The following BMERB1 variants were observed in gnomAD, a reference collection of about 807,000 sequenced individuals.
The protein encoded by BMERB1 is bMERB domain-containing protein 1.
Under a neutral mutation model 23.6 loss-of-function variants are expected in BMERB1, and 12 were observed. The ratio of observed to expected loss-of-function variants is 0.51; its 90% confidence interval spans 0.33 to 0.82. The LOEUF is 0.82. Among genes scored for constraint, BMERB1 ranks in the 40% least tolerant of loss-of-function variants. BMERB1 has a pLI of 0.03. For synonymous variants in BMERB1, 122 were observed against 96.6 expected, an observed-to-expected ratio of 1.26 and a Z score of -1.54; for missense variants, 247 against 255.4, an observed-to-expected ratio of 0.97 and a Z score of 0.22.
At chr16:15,488,053 C>G (rs1346855438) in intron 1 of BMERB1, among the ~76,000 whole-genome samples, 1 of 152,132 alleles carries the variant, frequency 6.6e-6, no homozygotes, top group Non-Finnish European at 1.5e-5. Context: ...CCTGGGAATG[C>G]AGCCCAATAG....
At chr16:15,507,819 A>C (rs943341813) in intron 1 of BMERB1, among the ~76,000 whole-genome samples, 4 of 152,198 alleles carry the variant, frequency 2.6e-5, no homozygotes, top group African/African-American at 9.6e-5. Context: ...GACCTCCTTC[A>C]TTAAGGTCCC....
chr16:15,458,976 G>A (rs1209698471), intron 1 of BMERB1, among the ~76,000 whole-genome samples: 1 of 151,930 alleles, frequency 6.6e-6, no homozygotes, highest in Non-Finnish European at 1.5e-5. Flanking sequence ...GCGTGGTGGC[G>A]GGCGCCCATA....
intron 1 of BMERB1, among the ~76,000 whole-genome samples, chr16:15,440,807 T>A (rs981155635): frequency 1.3e-5 from 2 of 152,094 alleles, no homozygotes; most frequent in Non-Finnish European, 2.9e-5. Flanking sequence ...AAGCTTCTGT[T>A]TAGGGGAAGT....
intron 1 of BMERB1, among the ~76,000 whole-genome samples, chr16:15,508,231 T>C (rs1223957615): frequency 2.0e-5 from 3 of 152,148 alleles, no homozygotes; most frequent in Non-Finnish European, 4.4e-5. Context: ...TAAATGTTAG[T>C]TATTATCGTT....
chr16:15,468,773 C>G (rs1162191396), intron 1 of BMERB1, among the ~76,000 whole-genome samples: 1 of 151,960 alleles, frequency 6.6e-6, no homozygotes, highest in Non-Finnish European at 1.5e-5. Context: ...CCTTTAGGTT[C>G]TTAAGATTTT....
chr16:15,505,674 G>A (rs896689851), intron 1 of BMERB1, among the ~76,000 whole-genome samples: 2 of 152,108 alleles, frequency 1.3e-5, no homozygotes, highest in Non-Finnish European at 2.9e-5. Flanking sequence ...TGGGTCATGA[G>A]GTCAGGAGAT....
intron 5 of BMERB1, among the ~76,000 whole-genome samples, chr16:15,584,475 G>A (rs988867249): frequency 6.6e-6 from 1 of 151,200 alleles, no homozygotes; most frequent in Admixed American, 6.6e-5. Context: ...GGAGAATGGC[G>A]TGAACTGGGG....
At chr16:15,574,634 C>T (rs1314811462) in intron 3 of BMERB1, among the ~76,000 whole-genome samples, 1 of 151,866 alleles carries the variant, frequency 6.6e-6, no homozygotes, top group Non-Finnish European at 1.5e-5. Context: ...GCAGAAGTTA[C>T]AGGCAAAATT....
chr16:15,567,478 C>T (rs1157036909), intron 2 of BMERB1, among the ~76,000 whole-genome samples: 4 of 152,046 alleles, frequency 2.6e-5, no homozygotes, highest in African/African-American at 9.7e-5. Context: ...CCAGGCACCG[C>T]GGCTTATGCC....
chr16:15,505,179 C>T (rs1252888083), intron 1 of BMERB1, among the ~76,000 whole-genome samples: 2 of 151,502 alleles, frequency 1.3e-5, no homozygotes, highest in South Asian at 2.1e-4. Context: ...ACCAAAACGT[C>T]GTTTAAGACC....
intron 1 of BMERB1, among the ~76,000 whole-genome samples, chr16:15,514,767 G>A (rs2150951092): frequency 6.6e-6 from 1 of 151,812 alleles, no homozygotes; most frequent in Non-Finnish European, 1.5e-5. Flanking sequence ...CTGGGCAACA[G>A]AGCAGGACTG....
At chr16:15,544,713 C>T (rs1186382729) in intron 2 of BMERB1, among the ~76,000 whole-genome samples, 1 of 152,270 alleles carries the variant, frequency 6.6e-6, no homozygotes, top group Admixed American at 6.5e-5. Flanking sequence ...CTCCTGAAGG[C>T]AGATAAAGAC....
At chr16:15,522,855 G>T (rs1011329103) in intron 2 of BMERB1, among the ~76,000 whole-genome samples, 1 of 152,196 alleles carries the variant, frequency 6.6e-6, no homozygotes, top group Non-Finnish European at 1.5e-5. Flanking sequence ...GCTTCAGTGT[G>T]TGTGTGTTAC....
At chr16:15,542,631 ATTTTTTTTTT>A (rs927255507) in intron 2 of BMERB1, among the ~76,000 whole-genome samples, 1 of 96,866 alleles carries the variant, frequency 1.0e-5, no homozygotes, top group African/African-American at 4.3e-5. Flanking sequence ...CCTCCTAGGG[ATTTTTTTTTT>A]TTTTTTTTTT....
chr16:15,453,514 T>C (rs1373156176), intron 1 of BMERB1, among the ~76,000 whole-genome samples: 1 of 152,102 alleles, frequency 6.6e-6, no homozygotes, highest in Non-Finnish European at 1.5e-5. Flanking sequence ...TCCAGGAGTA[T>C]GAGGCTGCAG....
intron 1 of BMERB1, among the ~76,000 whole-genome samples, chr16:15,505,802 G>A (rs2051583341): frequency 6.6e-6 from 1 of 151,612 alleles, no homozygotes; most frequent in Non-Finnish European, 1.5e-5. Context: ...GCAGGAGAAT[G>A]GCGTGAATTC....
chr16:15,468,244 C>G lies in BMERB1; in HGVS notation c.106+33485C>G, dbSNP rs1161326816. Among the ~76,000 whole-genome samples the G allele has an allele frequency of 2.8e-5, 4 of 142,638 alleles. No individual in the cohort carries two copies. The Admixed American group carries it at 2.9e-4, about 10-fold the overall frequency. The allele number at this position is 142,638 out of a possible 152,430, so 93.6% of individuals were successfully genotyped here. A position where few individuals can be genotyped will look rare whatever the true frequency, so the allele number is the denominator to read the frequency against. ...CACTACAAACTTTGTCTCCAGGGCT[C>G]AAGTGATCCTCCCACCTCAACCTTC... On this transcript the variant is annotated intron_variant, in intron 1 of 5. Coordinates refer to ENST00000300006, the MANE Select transcript of BMERB1 (RefSeq NM_033201.3).
chr16:15,573,679 T>C (rs960175504), intron 3 of BMERB1, among the ~76,000 whole-genome samples: 2 of 152,208 alleles, frequency 1.3e-5, no homozygotes, highest in Non-Finnish European at 1.5e-5. Context: ...GGTCAGCATC[T>C]TGTAGCCTCC....
At chr16:15,501,701 T>C (rs2051532219) in intron 1 of BMERB1, among the ~76,000 whole-genome samples, 1 of 152,214 alleles carries the variant, frequency 6.6e-6, no homozygotes, top group African/African-American at 2.4e-5. Context: ...CTTGAACTCC[T>C]GACCTCAGGT....
Sources: allele counts gnomAD v4.1 joint callset (sites outside exome capture counted in the v4.1 genomes callset), GRCh38; gene constraint gnomAD v4.1.1; transcripts MANE v1.5; gene names NCBI Gene and HGNC (gene_info 2026-07-23, HGNC 2026-07-21).